The following UGT2A3 variants were observed in gnomAD, a reference collection of about 807,000 sequenced individuals.
UGT2A3 encodes UDP glucuronosyltransferase family 2 member A3.
UGT2A3 carries 55 observed loss-of-function variants against 44.1 expected under a neutral mutation model. The observed-to-expected ratio is 1.25, with a 90% CI of 1.00 to 1.56. The LOEUF (loss-of-function observed/expected upper bound fraction) is 1.56. Among genes scored for constraint, UGT2A3 ranks in the 40% most tolerant of loss-of-function variants. The probability of loss-of-function intolerance (pLI) is 0.00; values close to 1 mark genes in which losing one functional copy is unlikely to be tolerated. For synonymous variants in UGT2A3, 243 were observed against 215.1 expected (o/e 1.13, Z -1.13); for missense variants, 733 against 621.6 (o/e 1.18, Z -1.91).
intron 5 of UGT2A3, 86 bp from the exon 6 acceptor site, chr4:68,930,178 T>C: frequency 7.2e-7 from 1 of 1,393,644 alleles, no homozygotes; most frequent in Non-Finnish European, 9.8e-7. Flanking sequence ...GTATATGTTA[T>C]GCAAGCCAAG....
chr4:68,930,169 T>C, intron 5 of UGT2A3, 77 bp from the exon 6 acceptor site: 2 of 1,445,094 alleles, frequency 1.4e-6, no homozygotes, highest in Admixed American at 2.1e-5. Flanking sequence ...TAAACCGTAG[T>C]ATATGTTATG....
Position 68,932,773 on chromosome 4 carries a change from T to C in UGT2A3, c.865-14A>G. On this transcript the variant is annotated splice_polypyrimidine_tract_variant and intron_variant, in intron 2 of 5. Coordinates refer to ENST00000251566, the MANE Select transcript of UGT2A3 (RefSeq NM_024743.4). ...ATTTTCCATTTCCTGAAGATAAAAA[T>C]TTATCTGCATTACAGAGGCATAATA... is the stretch of plus-strand genomic sequence containing the variant. 6.2e-7 allele frequency: 1 copy of C among 1,605,318 alleles called. No homozygotes were observed.
In UGT2A3 at chr4:68,945,341, C is replaced by A. The variant is rs747291182; in HGVS notation, c.829G>T (p.Gly277Ter). 7 of 1,611,314 alleles carry A rather than the reference C, an allele frequency of 4.3e-6. No individual in the cohort carries two copies. Among genetic ancestry groups the A allele is most frequent in the Non-Finnish European group, 5.9e-6 (7 of 1,178,478 alleles). Residue 277 changes from glycine (G) to a stop codon, truncating the protein, a stop_gained, in exon 2 of 6, where the codon GGA becomes TGA. Coordinates refer to ENST00000251566, the MANE Select transcript of UGT2A3 (RefSeq NM_024743.4). LOFTEE classifies it high-confidence loss of function. ...GCTTTGGCAGGTTTACAGTGCAATC[C>A]TCCAACAAACTCAAAGTTAGGTTGG... ...PYQPNFEFVGGLHCKPAKALP... is the reference protein window; with the variant it reads ...PYQPNFEFVG
At position 68,930,556 on chromosome 4, in the gene UGT2A3, T is replaced by C. The variant is rs761364714; in HGVS notation, c.1294A>G (p.Thr432Ala). ...AGCAGTAGTACTTACGAGGAATCGGTAATGACTGTTCTCAAAGCCCTCAGT... is the reference window on the plus strand; with the variant it reads ...AGCAGTAGTACTTACGAGGAATCGGCAATGACTGTTCTCAAAGCCCTCAGT... ...DLLRALRTVI[T>A]DSSYKENAMR... Residue 432 changes from threonine (T) to alanine (A), a missense_variant, in exon 5 of 6, where the codon ACC becomes GCC. Thr to Ala is a moderately conservative substitution (Grantham distance 58). Coordinates refer to ENST00000251566, the MANE Select transcript of UGT2A3 (RefSeq NM_024743.4). 1.1e-5 allele frequency: 17 copies of C among 1,609,918 alleles called. No homozygotes were observed. The highest frequency in any genetic ancestry group is 3.3e-4 in the Middle Eastern group (2 of 6,042).
intron 2 of UGT2A3, among the ~76,000 whole-genome samples, chr4:68,936,914 A>C (rs867605565): frequency 6.8e-6 from 1 of 146,806 alleles, no homozygotes; most frequent in East Asian, 2.0e-4. Flanking sequence ...AAAAAAGCAG[A>C]GGTTGCAATC....
chr4:68,945,498 T>C (rs1718354328), intron 1 of UGT2A3, 44 bp from the exon 2 acceptor site: 1 of 1,486,178 alleles, frequency 6.7e-7, no homozygotes, highest in Non-Finnish European at 9.0e-7. Flanking sequence ...ACAATTCAAA[T>C]AAAAAATTGT....
intron 1 of UGT2A3, among the ~76,000 whole-genome samples, chr4:68,947,771 A>G (rs1419892790): frequency 6.6e-6 from 1 of 151,846 alleles, no homozygotes; most frequent in Non-Finnish European, 1.5e-5. Flanking sequence ...CATCTTAATC[A>G]GAGCCCTTTG....
chr4:68,931,189 C>T lies in UGT2A3; in HGVS notation c.1050G>A (p.Arg350=). ...KKPSTLGANT[R]LYDWIPQNDL... Reference sequence around the variant, plus strand: ...CATTCTGGGGTATCCAATCATACAGCCGAGTATTGGCTCCTAATGTGGATG... The same window carrying T: ...CATTCTGGGGTATCCAATCATACAGTCGAGTATTGGCTCCTAATGTGGATG... The change falls in exon 4 of 6, where the codon CGG becomes CGA. Residue 350 remains arginine (R), a synonymous_variant. Transcript: ENST00000251566. The T allele has an allele frequency of 6.2e-7, 1 of 1,613,046 alleles. No homozygotes were observed. The highest frequency in any genetic ancestry group is 8.5e-7 in the Non-Finnish European group (1 of 1,179,408).
intron 2 of UGT2A3, among the ~76,000 whole-genome samples, chr4:68,939,585 A>T (rs916719568): frequency 2.0e-5 from 3 of 152,210 alleles, no homozygotes; most frequent in African/African-American, 7.2e-5. Flanking sequence ...ACCTGAAACC[A>T]TAAAAATCCT....
intron 2 of UGT2A3, among the ~76,000 whole-genome samples, chr4:68,936,751 A>T (rs574904866): frequency 1.3e-5 from 2 of 152,070 alleles, no homozygotes; most frequent in African/African-American, 4.8e-5. Flanking sequence ...GGCCCAATTA[A>T]GAGACACAGA....
In UGT2A3 at chr4:68,951,642, T is replaced by C. The variant is rs139765295; in HGVS notation, c.119A>G (p.Lys40Arg). ...PCDMSHWLNV[K>R]VILEELIVRG... Reference sequence around the variant, plus strand: ...CACTATGAGCTCTTCTAGAATGACCTTGACATTAAGCCAATGGCTCATGTC... The same window carrying C: ...CACTATGAGCTCTTCTAGAATGACCCTGACATTAAGCCAATGGCTCATGTC... Residue 40 changes from lysine to arginine, a missense_variant, in exon 1 of 6, where the codon AAG becomes AGG. Transcript: ENST00000251566. 36 of 1,612,592 alleles carry C rather than the reference T, an allele frequency of 2.2e-5. No individual in the cohort carries two copies. The African/African-American group carries it at 3.9e-4, about 17-fold the overall frequency.
Position 68,951,362 on chromosome 4 carries a change from C to T in UGT2A3, c.399G>A (p.Thr133=), listed in dbSNP as rs3749510. 0.19 allele frequency: 305,499 copies of T among 1,612,094 alleles called. 30,220 individuals carry two copies. Among genetic ancestry groups the T allele is most frequent in the East Asian group, 0.34 (15,383 of 44,656 alleles). Residue 133 remains threonine, a synonymous_variant, in exon 1 of 6, where the codon ACG becomes ACA. Transcript: ENST00000251566. ...MMCESFIYNQ[T]LMKKLQETNY... is the part of the protein sequence containing the mutation. ...TGGTTTCCTGTAGCTTCTTCATAAG[C>T]GTCTGATTGTAGATAAAGCTCTCAC...
intron 1 of UGT2A3, among the ~76,000 whole-genome samples, chr4:68,946,154 C>T (rs1211526319): frequency 6.6e-6 from 1 of 151,590 alleles, no homozygotes; most frequent in South Asian, 2.1e-4. Flanking sequence ...AAGGAAAACA[C>T]ATTTTCAAGA....
intron 2 of UGT2A3, among the ~76,000 whole-genome samples, chr4:68,945,005 G>A (rs184882158): frequency 1.4e-4 from 22 of 151,762 alleles, no homozygotes; most frequent in African/African-American, 5.3e-4. Context: ...AAAGGCTAGA[G>A]CATTCTTTTT....
At chr4:68,941,082 T>C (rs972188664) in intron 2 of UGT2A3, among the ~76,000 whole-genome samples, 10 of 151,734 alleles carry the variant, frequency 6.6e-5, no homozygotes, top group Non-Finnish European at 1.5e-4. Context: ...CCAGAAGAGC[T>C]AGTTGTTTTA....
intron 1 of UGT2A3, among the ~76,000 whole-genome samples, chr4:68,948,800 C>A (rs929953954): frequency 6.6e-6 from 1 of 151,698 alleles, no homozygotes; most frequent in Admixed American, 6.6e-5. Context: ...CTGTCCCAGG[C>A]TTTTTTTGTT....
intron 2 of UGT2A3, among the ~76,000 whole-genome samples, chr4:68,941,756 C>T (rs1718194975): frequency 6.6e-6 from 1 of 151,782 alleles, no homozygotes; most frequent in South Asian, 2.1e-4. Flanking sequence ...GTTACCATCT[C>T]AAATATACAT....
chr4:68,945,524 G>A, intron 1 of UGT2A3, 70 bp from the exon 2 acceptor site: 3 of 1,380,234 alleles, frequency 2.2e-6, no homozygotes, highest in Non-Finnish European at 2.9e-6. Context: ...TAATTTTTCA[G>A]TAAGCTATTA....
chr4:68,936,873 A>C (rs10903223), intron 2 of UGT2A3, among the ~76,000 whole-genome samples: 27,221 of 127,256 alleles, frequency 0.21, 3,577 homozygotes, highest in African/African-American at 0.35. Context: ...GAAGATCTAC[A>C]AAGTAAATGG....
Sources: allele counts gnomAD v4.1 joint callset (sites outside exome capture counted in the v4.1 genomes callset), GRCh38; gene constraint gnomAD v4.1.1; transcripts MANE v1.5; gene names NCBI Gene and HGNC (gene_info 2026-07-23, HGNC 2026-07-21).